PRKDC: variants seen among roughly 807,000 people sequenced by gnomAD.
The protein encoded by PRKDC is DNA-dependent protein kinase catalytic subunit.
In PRKDC, 82 loss-of-function variants were observed where a neutral mutation model predicts 486.9. The ratio of observed to expected loss-of-function variants is 0.17; its 90% CI spans 0.14 to 0.20. The LOEUF (loss-of-function observed/expected upper bound fraction) is 0.20, where lower values mean the gene tolerates loss of function less well. Ranked by LOEUF, PRKDC falls within the 10% of genes least tolerant of loss-of-function variation. The pLI, the probability that PRKDC is intolerant of heterozygous loss-of-function variation, is 1.00. For missense variants in PRKDC, 4,504 were observed against 5,038.2 expected, an observed-to-expected ratio of 0.89 and a Z score of 3.21; for synonymous variants, 1,895 against 1,837.0, an observed-to-expected ratio of 1.03 and a Z score of -0.81.
chr8:47,852,849 T>C, intron 51 of PRKDC, 65 bp from the exon 52 acceptor site: 1 of 1,106,176 alleles, frequency 9.0e-7, no homozygotes, highest in East Asian at 2.6e-5. Flanking sequence ...CAAATATAAA[T>C]GACAATTTTC....
intron 71 of PRKDC, among the ~76,000 whole-genome samples, chr8:47,800,434 A>G (rs1164729298): frequency 6.6e-6 from 1 of 150,776 alleles, no homozygotes; most frequent in East Asian, 1.9e-4. Context: ...CAGGAAGGGG[A>G]ACATCATACT....
In PRKDC at chr8:47,800,784, C is replaced by T. The variant is rs2087090537; in HGVS notation, c.10116+9G>A. On this transcript the variant is annotated intron_variant, in intron 71 of 85. Transcript: ENST00000314191. ...AGCACACTAGCGTAAAACATTCCTCCAGTATTACCTTCTCTGAATCCTCTG... is the reference window on the plus strand; with the variant it reads ...AGCACACTAGCGTAAAACATTCCTCTAGTATTACCTTCTCTGAATCCTCTG... 1.3e-6 allele frequency: 2 copies of T among 1,597,090 alleles called. No individual in the cohort carries two copies. Among genetic ancestry groups the T allele is most frequent in the Non-Finnish European group, 1.7e-6 (2 of 1,171,806 alleles).
At chr8:47,922,144 T>C (rs2090083048) in intron 21 of PRKDC, among the ~76,000 whole-genome samples, 1 of 151,554 alleles carries the variant, frequency 6.6e-6, no homozygotes, top group Non-Finnish European at 1.5e-5. Context: ...TTTTCTTTTT[T>C]CTTTCTTCAG....
At chr8:47,823,165 CT>C (rs1044839923) in intron 64 of PRKDC, among the ~76,000 whole-genome samples, 1 of 151,882 alleles carries the variant, frequency 6.6e-6, no homozygotes, top group African/African-American at 2.4e-5. Context: ...GACACCTCAT[CT>C]CTACAAAAAA....
chr8:47,819,996 T>G (rs886836055), intron 66 of PRKDC, among the ~76,000 whole-genome samples: 6 of 152,086 alleles, frequency 3.9e-5, no homozygotes, highest in African/African-American at 7.2e-5. Context: ...CAAACAACTG[T>G]CAGGAAAAGA....
rs1023471574 is a variant in PRKDC, at chr8:47,953,636, A to C, written c.705T>G (p.Thr235=). 1 of 1,612,998 alleles carries C rather than the reference A, an allele frequency of 6.2e-7. No homozygotes were observed. The highest frequency in any genetic ancestry group is 8.5e-7 in the Non-Finnish European group (1 of 1,179,504). Residue 235 remains threonine (T), a synonymous_variant, in exon 7 of 86, where the codon ACT becomes ACG. Transcript: ENST00000314191. ...AAGCAATACCTTCTTCCATGGACTT[A>C]GTGAAGTTGCACAGAAGTGAGGACA... ...KGLSSLLCNF[T]KSMEEDPQTS...
At chr8:47,834,851 C>T (rs1266889435) in intron 58 of PRKDC, among the ~76,000 whole-genome samples, 10 of 151,828 alleles carry the variant, frequency 6.6e-5, no homozygotes, top group Non-Finnish European at 1.3e-4. Flanking sequence ...CTACCACGCC[C>T]GGCTAATTTT....
At chr8:47,778,003 A>C (rs1259538458) in intron 83 of PRKDC, 129 bp from the exon 84 acceptor site, 33 of 897,458 alleles carry the variant, frequency 3.7e-5, no homozygotes, top group Non-Finnish European at 5.5e-5. Context: ...CTTCCCTTGA[A>C]ATCAGCTACA....
At position 47,942,948 on chromosome 8, in the gene PRKDC, C is replaced by T. The variant is rs8178008; in HGVS notation, c.966+261G>A. ...TCCAGCCCTGACCTCCCAGCCCTTC[C>T]GGCCATCACCTCACCACGTCTTTGC... On this transcript the variant is annotated intron_variant, in intron 10 of 85. Transcript: ENST00000314191. Among the ~76,000 whole-genome samples, 446 of 152,332 alleles carry T rather than the reference C, an allele frequency of 2.9e-3. 3 individuals are homozygous for T. Among genetic ancestry groups the T allele is most frequent in the African/African-American group, 0.01 (431 of 41,568 alleles).
chr8:47,833,531 C>T (rs1274923208), intron 59 of PRKDC, among the ~76,000 whole-genome samples: 1 of 152,026 alleles, frequency 6.6e-6, no homozygotes, highest in Non-Finnish European at 1.5e-5. Flanking sequence ...GCCTCCAGTC[C>T]CCATCACTCC....
intron 10 of PRKDC, among the ~76,000 whole-genome samples, chr8:47,942,703 C>T (rs1186876643): frequency 6.6e-6 from 1 of 152,232 alleles, no homozygotes; most frequent in African/African-American, 2.4e-5. Flanking sequence ...ATCCTGGAGA[C>T]CAGTGCTCAG....
In PRKDC at chr8:47,897,405, C is replaced by T. The variant is rs1365418552; in HGVS notation, c.3465-111G>A. 3 of 1,135,326 alleles carry T rather than the reference C, an allele frequency of 2.6e-6. No homozygotes were observed. The East Asian group carries it at 7.6e-5, about 29-fold the overall frequency. 70.3% of individuals were successfully genotyped at this position (1,135,326 alleles called of 1,614,324 possible). A position where few individuals can be genotyped will look rare whatever the true frequency, so the allele number is the denominator to read the frequency against. ...TTATCACACAGATATATGTAGAAAT[C>T]TCACTAAAAGGCATTCGACTTATTT... On this transcript the variant is annotated intron_variant, in intron 29 of 85. Coordinates refer to ENST00000314191, the MANE Select transcript of PRKDC (RefSeq NM_006904.7).
intron 50 of PRKDC, among the ~76,000 whole-genome samples, 199 bp downstream of exon 50, chr8:47,855,023 G>A (rs1322678234): frequency 1.3e-5 from 2 of 152,220 alleles, no homozygotes; most frequent in Non-Finnish European, 2.9e-5. Flanking sequence ...GGCAAGCTGA[G>A]GCGGAGGGCA....
At chr8:47,818,353 G>A (rs966399198) in intron 67 of PRKDC, among the ~76,000 whole-genome samples, 3 of 152,028 alleles carry the variant, frequency 2.0e-5, no homozygotes, top group Admixed American at 6.5e-5. Context: ...GCCGAGGCGG[G>A]CGGATCACGA....
chr8:47,785,374 G>C lies in PRKDC; in HGVS notation c.10903-57C>G, dbSNP rs752689538. The C allele has an allele frequency of 9.7e-4, 1,275 of 1,317,832 alleles. 1 individual carries two copies. The highest frequency in any genetic ancestry group is 1.3e-3 in the Non-Finnish European group (1,209 of 944,928). 81.6% of individuals were successfully genotyped at this position (1,317,832 alleles called of 1,614,324 possible). A position where few individuals can be genotyped will look rare whatever the true frequency, so the allele number is the denominator to read the frequency against. ...GATGTTTAGTTTGGACTTTGGAAAA[G>C]GCTCTAAGCTTATAAGTGTAATGAA... is the stretch of plus-strand genomic sequence containing the variant. On this transcript the variant is annotated intron_variant, in intron 76 of 85. Transcript: ENST00000314191.
chr8:47,831,990 T>C, intron 59 of PRKDC, 64 bp from the exon 60 acceptor site: 1 of 1,449,522 alleles, frequency 6.9e-7, no homozygotes, highest in East Asian at 2.3e-5. Flanking sequence ...GCTGGTTCAT[T>C]TTCACCTCGG....
At chr8:47,892,310 A>C (rs2089478329) in intron 31 of PRKDC, among the ~76,000 whole-genome samples, 1 of 152,144 alleles carries the variant, frequency 6.6e-6, no homozygotes, top group Non-Finnish European at 1.5e-5. Context: ...ATGTGCACTA[A>C]TAACAAATAT....
At chr8:47,916,039 G>A (rs918715572) in intron 22 of PRKDC, among the ~76,000 whole-genome samples, 4 of 152,178 alleles carry the variant, frequency 2.6e-5, no homozygotes, top group African/African-American at 9.7e-5. Flanking sequence ...GAAACATCAT[G>A]TATTCCTCAT....
chr8:47,916,308 C>T (rs1187253060), intron 22 of PRKDC, among the ~76,000 whole-genome samples: 1 of 151,948 alleles, frequency 6.6e-6, no homozygotes, highest in Non-Finnish European at 1.5e-5. Flanking sequence ...ATTAGCCAGG[C>T]GTGGTGGCAC....
Sources: gnomAD v4.1 joint callset for allele counts (sites outside exome capture counted in the v4.1 genomes callset) on GRCh38, gnomAD v4.1.1 for gene constraint, MANE v1.5 for transcripts, NCBI Gene and HGNC (gene_info 2026-07-23, HGNC 2026-07-21) for gene names.